The following MIER3 variants were observed in gnomAD, a reference collection of about 807,000 sequenced individuals.
MIER3 encodes mesoderm induction early response protein 3.
In MIER3, 9 loss-of-function variants were observed where a neutral mutation model predicts 63.2. The observed-to-expected ratio is 0.14, with a 90% confidence interval of 0.09 to 0.25. MIER3 has a LOEUF of 0.25. MIER3 is among the 10% of genes least tolerant of loss of function. The pLI is 1.00. For missense variants in MIER3, 512 were observed against 666.2 expected (o/e 0.77, Z 2.55); for synonymous variants, 205 against 224.9 (o/e 0.91, Z 0.79).
Position 56,935,520 on chromosome 5 carries a change from TA to T in MIER3, c.523-21del, listed in dbSNP as rs753807586. On this transcript the variant is annotated intron_variant, in intron 6 of 12. Coordinates refer to ENST00000381199, the MANE Select transcript of MIER3 (RefSeq NM_001297599.2). ...TATTTCCTACAGGAAAATTGAGAGG[TA>T]AAAATAACTTATTAAAAAAAAAATA... 6.4e-7 allele frequency: 1 copy of T among 1,564,980 alleles called. No homozygotes were observed. Among genetic ancestry groups the T allele is most frequent in the Admixed American group, 2.1e-5 (1 of 48,648 alleles).
At chr5:56,938,479 T>C in intron 4 of MIER3, 1 of 427,312 alleles carries the variant, frequency 2.3e-6, no homozygotes, top group Non-Finnish European at 4.9e-6. Flanking sequence ...GCGGCCGCTG[T>C]CACTCCCAGA....
rs2255726 is a variant in MIER3, at chr5:56,947,301, T to C, written c.35-230A>G. ...ATTCACAAACACTTTTATAAGGGGT[T>C]TAGTCCACAAGAAAACAACTTATGA... On this transcript the variant is annotated intron_variant, in intron 2 of 12. Coordinates refer to ENST00000381199, the MANE Select transcript of MIER3 (RefSeq NM_001297599.2). The C allele has an allele frequency of 0.28, 116,902 of 411,514 alleles. 18,599 individuals are homozygous for C. Among genetic ancestry groups the C allele is most frequent in the East Asian group, 0.54 (11,742 of 21,576 alleles). The allele number at this position is 411,514 out of a possible 1,614,324, so 25.5% of individuals were successfully genotyped here. A position where few individuals can be genotyped will look rare whatever the true frequency, so the allele number is the denominator to read the frequency against.
In MIER3 at chr5:56,933,253, A is replaced by G. The variant is rs1202235620; in HGVS notation, c.741T>C (p.Asn247=). Residue 247 remains asparagine (N), a synonymous_variant, in exon 8 of 13, where the codon AAT becomes AAC. Coordinates refer to ENST00000381199, the MANE Select transcript of MIER3 (RefSeq NM_001297599.2). ...RISAGTHTRD[N]EQALYELLKC... ...AACAGAAGCTGAAGTATACCTGTTC[A>G]TTGTCCCTTGTGTGTGTTCCTGCAG... 6.2e-7 allele frequency: 1 copy of G among 1,607,024 alleles called. No individual in the cohort carries two copies. Among genetic ancestry groups the G allele is most frequent in the South Asian group, 1.1e-5 (1 of 89,654 alleles).
intron 7 of MIER3, among the ~76,000 whole-genome samples, 174 bp downstream of exon 7, chr5:56,935,243 AACTCTGAGTCT>A (rs1460727080): frequency 6.6e-6 from 1 of 152,108 alleles, no homozygotes; most frequent in African/African-American, 2.4e-5. Flanking sequence ...GGTGGGGGGA[AACTCTGAGTCT>A]AGTGATTAAC....
At chr5:56,950,745 GCTC>G in intron 1 of MIER3, 93 bp from the exon 2 acceptor site, 2 of 1,431,992 alleles carry the variant, frequency 1.4e-6, no homozygotes, top group Non-Finnish European at 1.9e-6. Flanking sequence ...GGAGTCGAGC[GCTC>G]CTCCGCAGCT....
chr5:56,938,918 G>A lies in MIER3; in HGVS notation c.280C>T (p.Leu94=), dbSNP rs756775010. Residue 94 remains leucine, a synonymous_variant, in exon 4 of 13, where the codon CTG becomes TTG. Transcript: ENST00000381199. The stretch of plus-strand genomic sequence containing the variant: ...GTCATGTCTGGTAGTTCATCTGCCA[G>A]TTCACTTGGGGAACTATTTGCACTG... ...NSSANSSPSE[L]ADELPDMTLD... The A allele has an allele frequency of 2.5e-6, 4 of 1,614,118 alleles. No individual in the cohort carries two copies. The highest frequency in any genetic ancestry group is 1.7e-6 in the Non-Finnish European group (2 of 1,179,978).
At chr5:56,945,904 G>C (rs969947468) in intron 3 of MIER3, among the ~76,000 whole-genome samples, 2 of 152,052 alleles carry the variant, frequency 1.3e-5, no homozygotes, top group African/African-American at 2.4e-5. Flanking sequence ...CCTTCTAAAA[G>C]CTTGATCCTT....
intron 2 of MIER3, among the ~76,000 whole-genome samples, chr5:56,948,630 C>T (rs1750910787): frequency 6.6e-6 from 1 of 152,106 alleles, no homozygotes; most frequent in Admixed American, 6.5e-5. Context: ...GATCACACCA[C>T]TGCACTCCAG....
intron 8 of MIER3, among the ~76,000 whole-genome samples, chr5:56,932,824 A>G (rs1361512544): frequency 2.6e-5 from 4 of 152,220 alleles, no homozygotes; most frequent in African/African-American, 9.6e-5. Context: ...TAAAAGTCCA[A>G]CCACAGAGAA....
intron 3 of MIER3, among the ~76,000 whole-genome samples, chr5:56,940,554 A>C (rs1230611481): frequency 6.6e-6 from 1 of 152,268 alleles, no homozygotes; most frequent in African/African-American, 2.4e-5. Context: ...CAATGAACTT[A>C]CAAACAGGTA....
At chr5:56,928,312 C>T (rs1032353929) in intron 10 of MIER3, 1 of 152,540 alleles carries the variant, frequency 6.6e-6, no homozygotes, top group South Asian at 2.1e-4. Flanking sequence ...ACTTTGCATT[C>T]CTACAGGCAA....
chr5:56,941,002 T>C lies in MIER3; in HGVS notation c.181-1985A>G, dbSNP rs916307571. The C allele has an allele frequency of 3.0e-6, 3 of 985,308 alleles. No individual in the cohort carries two copies. In the East Asian group the frequency reaches 3.4e-4, roughly 112 times the overall value. 61.0% of individuals were successfully genotyped at this position (985,308 alleles called of 1,614,324 possible). On this transcript the variant is annotated intron_variant, in intron 3 of 12. Coordinates refer to ENST00000381199, the MANE Select transcript of MIER3 (RefSeq NM_001297599.2). ...AATGGGGAGTGGCAATTTTCACCTT[T>C]TATGCACTGATGGTCCACCTTCCCA...
At chr5:56,940,682 G>A (rs1750614914) in intron 3 of MIER3, among the ~76,000 whole-genome samples, 1 of 152,186 alleles carries the variant, frequency 6.6e-6, no homozygotes. Flanking sequence ...AGTCCTCTGG[G>A]AGCATGGAAT....
chr5:56,951,995 C>T, intron 1 of MIER3, 99 bp downstream of exon 1: 7 of 1,044,452 alleles, frequency 6.7e-6, no homozygotes, highest in Non-Finnish European at 7.2e-6. Flanking sequence ...CATGGGGCAG[C>T]GGAAAGAGCC....
At chr5:56,945,663 G>A (rs1419478200) in intron 3 of MIER3, among the ~76,000 whole-genome samples, 1 of 151,938 alleles carries the variant, frequency 6.6e-6, no homozygotes, top group African/African-American at 2.4e-5. Flanking sequence ...TCCATAACAC[G>A]ACGTACTAAA....
In MIER3 at chr5:56,924,975, T is replaced by G. The variant is rs78518840; in HGVS notation, c.925-933A>C. Among the ~76,000 whole-genome samples the G allele has an allele frequency of 9.7e-3, 1,483 of 152,278 alleles. 22 individuals are homozygous for G. The highest frequency in any genetic ancestry group is 0.034 in the African/African-American group (1,429 of 41,550). On this transcript the variant is annotated intron_variant, in intron 10 of 12. Coordinates refer to ENST00000381199, the MANE Select transcript of MIER3 (RefSeq NM_001297599.2). ...GTCTTCGCAGAGAATGCAGGCTTCG[T>G]GGGGCTACAGACCTTTTCTGTCTTA...
intron 3 of MIER3, among the ~76,000 whole-genome samples, chr5:56,939,947 T>C (rs374679992): frequency 3.7e-4 from 56 of 152,346 alleles, no homozygotes; most frequent in African/African-American, 1.3e-3. Flanking sequence ...CACACAGCAA[T>C]GAAACTGCCT....
At chr5:56,930,477 T>C (rs1009158295) in intron 9 of MIER3, among the ~76,000 whole-genome samples, 187 bp downstream of exon 9, 2 of 152,228 alleles carry the variant, frequency 1.3e-5, no homozygotes, top group Non-Finnish European at 1.5e-5. Flanking sequence ...GACTAATTTG[T>C]GTTTGAACAG....
chr5:56,946,934 A>C lies in MIER3; in HGVS notation c.172T>G (p.Leu58Val). ...TAAAGTAAATCTTATACCTTTTCTA[A>C]GTCTTCAATTTCTGAACTGAAGTTT... ...GKNFSSEIED[L>V]EKEGTMPLED... Residue 58 changes from leucine (L) to valine (V), a missense_variant, in exon 3 of 13, where the codon TTA becomes GTA. By Grantham distance (32) the Leu-to-Val change is conservative. Around this residue, in one of 5 missense-constraint regions of MIER3, gnomAD observed 98 missense variants for 107.4 expected, o/e 0.91. Coordinates refer to ENST00000381199, the MANE Select transcript of MIER3 (RefSeq NM_001297599.2). 2 of 1,578,106 alleles carry C rather than the reference A, an allele frequency of 1.3e-6. No individual in the cohort carries two copies. Among genetic ancestry groups the C allele is most frequent in the Non-Finnish European group, 1.7e-6 (2 of 1,165,054 alleles).
Sources: gnomAD v4.1 joint callset for allele counts (sites outside exome capture counted in the v4.1 genomes callset) on GRCh38, gnomAD v4.1.1 for gene constraint, gnomAD v4.1.1 regional missense constraint, MANE v1.5 for transcripts, NCBI Gene and HGNC (gene_info 2026-07-23, HGNC 2026-07-21) for gene names.